Variants in ANKHD1 observed in about 807,000 individuals in gnomAD.
The protein encoded by ANKHD1 is ankyrin repeat and KH domain containing 1, also known as ankyrin repeat and KH domain-containing protein 1.
A neutral mutation model predicts 230.5 loss-of-function variants in ANKHD1; 31 were observed. The observed-to-expected ratio is 0.13, with a 90% CI of 0.10 to 0.18. The LOEUF (loss-of-function observed/expected upper bound fraction) is 0.18. Ranked by LOEUF, ANKHD1 falls within the 10% of genes least tolerant of loss-of-function variation. The probability of loss-of-function intolerance (pLI) is 1.00; values close to 1 mark genes in which losing one functional copy is unlikely to be tolerated. For missense variants in ANKHD1, 2,256 were observed against 3,071.3 expected, an observed-to-expected ratio of 0.73 and a Z score of 6.27; for synonymous variants, 1,074 against 1,117.6, an observed-to-expected ratio of 0.96 and a Z score of 0.78.
At chr5:140,496,451 T>TTTTTTC in intron 14 of ANKHD1, 69 bp from the exon 15 acceptor site, 2 of 1,162,968 alleles carry the variant, frequency 1.7e-6, no homozygotes, top group Non-Finnish European at 2.2e-6. Flanking sequence ...TTCTTTTTTT[T>TTTTTTC]TTTTCTTTTC....
chr5:140,526,894 T>C lies in ANKHD1; in HGVS notation c.4941-34T>C, dbSNP rs370998913. On this transcript the variant is annotated intron_variant, in intron 26 of 33. Coordinates refer to ENST00000360839, the MANE Select transcript of ANKHD1 (RefSeq NM_017747.3). ...TCTTGAGTTTCTATCTTAAAACTTATCTTTTATTGTACTTGCTATTTGTCT... is the reference window on the plus strand; with the variant it reads ...TCTTGAGTTTCTATCTTAAAACTTACCTTTTATTGTACTTGCTATTTGTCT... The C allele has an allele frequency of 9.5e-6, 15 of 1,585,150 alleles. No homozygotes were observed. In the African/African-American group the frequency reaches 1.2e-4, roughly 13 times the overall value.
chr5:140,402,809 C>T (rs1292863198), intron 1 of ANKHD1, among the ~76,000 whole-genome samples: 3 of 151,980 alleles, frequency 2.0e-5, no homozygotes, highest in African/African-American at 7.3e-5. Context: ...TCGGCTTTTA[C>T]CCTGAAAAAT....
At chr5:140,495,238 G>C (rs1751973723) in intron 14 of ANKHD1, among the ~76,000 whole-genome samples, 1 of 145,808 alleles carries the variant, frequency 6.9e-6, no homozygotes, top group South Asian at 2.1e-4. Flanking sequence ...TTTTGTTGCT[G>C]AATAGTCCTA....
chr5:140,539,143 G>A (rs1157945951), intron 33 of ANKHD1, 60 bp downstream of exon 33: 2 of 1,547,066 alleles, frequency 1.3e-6, no homozygotes, highest in South Asian at 2.5e-5. Context: ...TTTTTGTTTT[G>A]TGAGAAGTAT....
Position 140,524,258 on chromosome 5 carries a change from T to G in ANKHD1, c.4492+18T>G. 1 of 1,546,700 alleles carries G rather than the reference T, an allele frequency of 6.5e-7. No individual in the cohort carries two copies. Among genetic ancestry groups the G allele is most frequent in the South Asian group, 1.3e-5 (1 of 78,824 alleles). On this transcript the variant is annotated intron_variant, in intron 25 of 33. Coordinates refer to ENST00000360839, the MANE Select transcript of ANKHD1 (RefSeq NM_017747.3). Reference sequence around the variant, plus strand: ...TGAAGATGGTGAGAAACAAACCATCTGAATTAACGATAAAATTCTCCTTTG... The same window carrying G: ...TGAAGATGGTGAGAAACAAACCATCGGAATTAACGATAAAATTCTCCTTTG...
Position 140,527,110 on chromosome 5 carries a change from A to G in ANKHD1, c.5087+36A>G, listed in dbSNP as rs1308391459. On this transcript the variant is annotated intron_variant, in intron 27 of 33. Transcript: ENST00000360839. This position sits in a 1 kb window ranked among gnomAD's most constrained non-coding sequence, Gnocchi z 4.5. ...TTAGTTCCATCTTTTTAGCTTTCAT[A>G]TATTTTCCCTTTCTCATGTGAGATG... 1.3e-6 allele frequency: 2 copies of G among 1,585,346 alleles called. No homozygotes were observed. The highest frequency in any genetic ancestry group is 2.3e-5 in the East Asian group (1 of 43,958).
At chr5:140,402,930 T>G (rs1770090037) in intron 1 of ANKHD1, among the ~76,000 whole-genome samples, 2 of 151,512 alleles carry the variant, frequency 1.3e-5, no homozygotes, top group African/African-American at 4.9e-5. Context: ...GGTTTTAGGC[T>G]TGGAGAAAGT....
intron 9 of ANKHD1, 75 bp downstream of exon 9, chr5:140,459,430 G>A (rs1474588823): frequency 2.4e-5 from 35 of 1,432,146 alleles, no homozygotes; most frequent in Middle Eastern, 3.9e-4. Flanking sequence ...ATCTAAAAAC[G>A]TTGAGCTCCT....
rs746147072 is a variant in ANKHD1, at chr5:140,529,814, G to C, written c.6850+18G>C. 1.9e-6 allele frequency: 3 copies of C among 1,609,274 alleles called. No individual in the cohort carries two copies. The highest frequency in any genetic ancestry group is 2.5e-6 in the Non-Finnish European group (3 of 1,177,230). On this transcript the variant is annotated intron_variant, in intron 29 of 33. Transcript: ENST00000360839. ...TCCAGTTGGTAAGTTATTAACTATT[G>C]CTGCAGTTGAGTTTGGAGCTCCTAT... is the stretch of plus-strand genomic sequence containing the variant.
At chr5:140,441,169 G>C (rs375851435) in intron 5 of ANKHD1, 27 bp downstream of exon 5, 2 of 1,493,888 alleles carry the variant, frequency 1.3e-6, no homozygotes, top group Non-Finnish European at 1.8e-6. Context: ...GTATTAATTG[G>C]GAGAAAAAAT....
rs1004299618 is a variant in ANKHD1, at chr5:140,515,235, G to A, written c.4317+1756G>A. On this transcript the variant is annotated intron_variant, in intron 24 of 33. Transcript: ENST00000360839. ...AGAAGTTGCAGTGAGCTGAGATCAC[G>A]CCACTACACTCTAGCCTGGGTGACA... Among the ~76,000 whole-genome samples, 5 of 151,174 alleles carry A rather than the reference G, an allele frequency of 3.3e-5. No homozygotes were observed. The South Asian group carries it at 6.3e-4, about 19-fold the overall frequency.
chr5:140,461,033 A>G (rs945122463), intron 9 of ANKHD1, among the ~76,000 whole-genome samples: 15 of 152,152 alleles, frequency 9.9e-5, no homozygotes, highest in African/African-American at 3.6e-4. Flanking sequence ...CCCTCTCTTA[A>G]GCTAAAGTCG....
chr5:140,455,767 G>A (rs1775131411), intron 7 of ANKHD1, among the ~76,000 whole-genome samples: 1 of 152,136 alleles, frequency 6.6e-6, no homozygotes, highest in Non-Finnish European at 1.5e-5. Context: ...CATACTGAAT[G>A]GGCAAAAACT....
intron 10 of ANKHD1, among the ~76,000 whole-genome samples, chr5:140,473,598 G>A (rs1394223496): frequency 6.6e-6 from 1 of 152,002 alleles, no homozygotes; most frequent in Non-Finnish European, 1.5e-5. Flanking sequence ...GTGCCACCAT[G>A]CCCAACTAAT....
intron 7 of ANKHD1, among the ~76,000 whole-genome samples, chr5:140,452,192 G>C (rs1300313298): frequency 6.6e-6 from 1 of 152,202 alleles, no homozygotes; most frequent in Admixed American, 6.5e-5. Context: ...CACCATTGCT[G>C]AGGCTTAAGT....
At position 140,504,902 on chromosome 5, in the gene ANKHD1, C is replaced by A; in HGVS notation, c.3086C>A (p.Thr1029Asn). ...CTTACACCTGAATCCTGTTCGCAGACTACAAGCAATGTGGCTTCCCAATCG... is the reference window on the plus strand; with the variant it reads ...CTTACACCTGAATCCTGTTCGCAGAATACAAGCAATGTGGCTTCCCAATCG... ...ECLTPESCSQTTSNVASQSMP... is the reference protein window; with the variant it reads ...ECLTPESCSQNTSNVASQSMP... Residue 1029 changes from threonine to asparagine, a missense_variant, in exon 16 of 34, where the codon ACT becomes AAT. Coordinates refer to ENST00000360839, the MANE Select transcript of ANKHD1 (RefSeq NM_017747.3). 6.2e-7 allele frequency: 1 copy of A among 1,614,198 alleles called. No homozygotes were observed. The highest frequency in any genetic ancestry group is 1.6e-4 in the Middle Eastern group (1 of 6,062).
intron 1 of ANKHD1, among the ~76,000 whole-genome samples, chr5:140,405,982 G>A (rs1353650725): frequency 6.6e-6 from 1 of 151,478 alleles, no homozygotes; most frequent in East Asian, 2.0e-4. Context: ...GCTCACGCCT[G>A]TAATCACAGC....
rs1434274753 is a variant in ANKHD1 at position 140,510,011 on chromosome 5, G to A, written c.3942-8G>A. The A allele has an allele frequency of 6.2e-7, 1 of 1,607,958 alleles. No individual in the cohort carries two copies. Among genetic ancestry groups the A allele is most frequent in the East Asian group, 2.2e-5 (1 of 44,766 alleles). On this transcript the variant is annotated splice_region_variant and splice_polypyrimidine_tract_variant and intron_variant, in intron 21 of 33. Coordinates refer to ENST00000360839, the MANE Select transcript of ANKHD1 (RefSeq NM_017747.3). ...AGGAAACAAACTATTAATATGCCTT[G>A]TTTACAGGGGAGCCCACATTGATGT...
chr5:140,408,465 G>T (rs1272314708), intron 1 of ANKHD1, among the ~76,000 whole-genome samples: 1 of 152,008 alleles, frequency 6.6e-6, no homozygotes. Context: ...CTTGAAGCAG[G>T]TGCTGTATTT....
Sources: allele counts gnomAD v4.1 joint callset (sites outside exome capture counted in the v4.1 genomes callset), GRCh38; gene constraint gnomAD v4.1.1; non-coding constraint Gnocchi (gnomAD v3.1); transcripts MANE v1.5; gene names NCBI Gene and HGNC (gene_info 2026-07-23, HGNC 2026-07-21).